APBB2: variants seen among roughly 807,000 people sequenced by gnomAD.
APBB2 encodes the protein Fe65-like 1.
In APBB2, 38 loss-of-function variants were observed where a neutral mutation model predicts 82.5. That is an observed-to-expected ratio of 0.46 (90% CI 0.36 to 0.60). The LOEUF is 0.60. Among genes scored for constraint, APBB2 ranks in the 20% least tolerant of loss-of-function variants. APBB2 has a pLI of 0.00. For missense variants in APBB2, 772 were observed against 972.3 expected, an observed-to-expected ratio of 0.79 and a Z score of 2.74; for synonymous variants, 341 against 368.2, an observed-to-expected ratio of 0.93 and a Z score of 0.85.
intron 6 of APBB2, among the ~76,000 whole-genome samples, chr4:40,948,079 G>A (rs139301189): frequency 1.2e-4 from 19 of 152,264 alleles, no homozygotes; most frequent in Non-Finnish European, 2.4e-4. Flanking sequence ...ATATGTGAAC[G>A]TCCTCATGGA....
chr4:40,990,512 G>A (rs1244588101), intron 6 of APBB2, among the ~76,000 whole-genome samples: 3 of 152,206 alleles, frequency 2.0e-5, no homozygotes, highest in Non-Finnish European at 2.9e-5. Context: ...ACACAAGAAA[G>A]GAGAAAGGGA....
At chr4:40,847,642 C>T (rs989394167) in intron 12 of APBB2, among the ~76,000 whole-genome samples, 16 of 152,116 alleles carry the variant, frequency 1.1e-4, no homozygotes, top group Non-Finnish European at 1.2e-4. Flanking sequence ...CTACTTAAAA[C>T]CACGGTGAGC....
intron 6 of APBB2, among the ~76,000 whole-genome samples, chr4:40,945,630 C>G (rs1325552902): frequency 6.6e-6 from 1 of 151,776 alleles, no homozygotes; most frequent in Non-Finnish European, 1.5e-5. Context: ...TCTTTTTTTT[C>G]AAGATGGAGT....
intron 6 of APBB2, among the ~76,000 whole-genome samples, chr4:40,997,505 T>C (rs1478768925): frequency 6.6e-6 from 1 of 152,230 alleles, no homozygotes; most frequent in African/African-American, 2.4e-5. Flanking sequence ...GGCCTCTACC[T>C]ACCTATTTGA....
intron 1 of APBB2, among the ~76,000 whole-genome samples, chr4:41,189,569 GC>G (rs1773841017): frequency 6.6e-6 from 1 of 152,112 alleles, no homozygotes; most frequent in African/African-American, 2.4e-5. Context: ...CAGCTCTCTG[GC>G]TGCTGCTACC....
intron 16 of APBB2, 41 bp downstream of exon 16, chr4:40,823,603 C>G: frequency 7.4e-7 from 1 of 1,358,816 alleles, no homozygotes; most frequent in Non-Finnish European, 1.1e-6. Flanking sequence ...CTTATACTCA[C>G]TGTATAAGAC....
intron 3 of APBB2, among the ~76,000 whole-genome samples, chr4:41,071,690 A>T (rs1733949509): frequency 6.6e-6 from 1 of 151,892 alleles, no homozygotes; most frequent in Non-Finnish European, 1.5e-5. Context: ...CAAAAAAAAC[A>T]ATTAAAATTT....
intron 12 of APBB2, among the ~76,000 whole-genome samples, chr4:40,851,740 T>TATATATATATATATATA (rs1560700519): frequency 2.2e-3 from 86 of 39,806 alleles, no homozygotes; most frequent in African/African-American, 7.0e-3. Context: ...ATATATATAT[T>TATATATATATATATATA]TTTTTTTTTT....
intron 5 of APBB2, 84 bp from the exon 6 acceptor site, chr4:41,014,482 C>T: frequency 7.7e-7 from 1 of 1,300,062 alleles, no homozygotes; most frequent in Non-Finnish European, 1.1e-6. Flanking sequence ...ATATAGAAAA[C>T]TAAAAGAAGA....
At chr4:41,186,078 G>A (rs1055169172) in intron 1 of APBB2, among the ~76,000 whole-genome samples, 7 of 152,094 alleles carry the variant, frequency 4.6e-5, no homozygotes, top group African/African-American at 7.2e-5. Flanking sequence ...AGATGTACCC[G>A]AAATATTTTA....
intron 10 of APBB2, among the ~76,000 whole-genome samples, chr4:40,922,990 T>G (rs1426943761): frequency 6.6e-6 from 1 of 151,582 alleles, no homozygotes; most frequent in Non-Finnish European, 1.5e-5. Flanking sequence ...TTTTTTTTTT[T>G]TTGAGACGGA....
In APBB2 at chr4:41,069,542, G is replaced by C. The variant is rs147859387; in HGVS notation, c.-148-3869C>G. 1.2e-3 allele frequency among the ~76,000 whole-genome samples: 189 copies of C among 152,340 alleles called. 1 individual carries two copies. Among genetic ancestry groups the C allele is most frequent in the Non-Finnish European group, 1.6e-3 (109 of 68,036 alleles). On this transcript the variant is annotated intron_variant, in intron 3 of 17. Transcript: ENST00000508593. Reference sequence around the variant, plus strand: ...AAGATCCAGGCCATTTCTGGAACTTGAAAGGATTTTAGAACCAATGCTATC... The same window carrying C: ...AAGATCCAGGCCATTTCTGGAACTTCAAAGGATTTTAGAACCAATGCTATC...
chr4:41,007,400 T>G (rs925612521), intron 6 of APBB2, among the ~76,000 whole-genome samples: 2 of 151,848 alleles, frequency 1.3e-5, no homozygotes, highest in African/African-American at 4.8e-5. Context: ...TTATCCAGTC[T>G]CAGGTATTTC....
intron 1 of APBB2, among the ~76,000 whole-genome samples, chr4:41,188,193 C>G (rs957589905): frequency 2.0e-5 from 3 of 152,040 alleles, no homozygotes; most frequent in Non-Finnish European, 2.9e-5. Context: ...CAGGCTTTGC[C>G]ATCATGAAGG....
intron 12 of APBB2, among the ~76,000 whole-genome samples, chr4:40,861,704 AAGAC>A (rs1376065432): frequency 6.6e-6 from 1 of 152,200 alleles, no homozygotes; most frequent in African/African-American, 2.4e-5. Context: ...GGTTCACAGA[AAGAC>A]AGGTTCAATT....
At chr4:41,150,798 T>C (rs1447909417) in intron 1 of APBB2, among the ~76,000 whole-genome samples, 1 of 152,170 alleles carries the variant, frequency 6.6e-6, no homozygotes, top group South Asian at 2.1e-4. Context: ...TGGAGTGCAA[T>C]GGCCCGATCT....
chr4:40,838,627 C>A (rs1754824420), intron 12 of APBB2, among the ~76,000 whole-genome samples: 1 of 151,722 alleles, frequency 6.6e-6, no homozygotes, highest in South Asian at 2.1e-4. Context: ...GAGCCACGCG[C>A]CTTGCCAATT....
intron 6 of APBB2, 89 bp downstream of exon 6, chr4:41,013,494 A>G (rs2154429290): frequency 3.9e-6 from 5 of 1,274,260 alleles, no homozygotes; most frequent in Non-Finnish European, 5.5e-6. Flanking sequence ...CATAATGGAC[A>G]TTTTTGGTCA....
At chr4:40,903,421 C>T (rs144098206) in intron 10 of APBB2, among the ~76,000 whole-genome samples, 51 of 152,260 alleles carry the variant, frequency 3.3e-4, no homozygotes, top group African/African-American at 1.0e-3. Flanking sequence ...GAGCCAAGAT[C>T]GTGCCACTGC....
Sources: allele counts gnomAD v4.1 joint callset (sites outside exome capture counted in the v4.1 genomes callset), GRCh38; gene constraint gnomAD v4.1.1; transcripts MANE v1.5; gene names NCBI Gene and HGNC (gene_info 2026-07-23, HGNC 2026-07-21).